Variants in PCSK6 observed in about 807,000 individuals in gnomAD.
PCSK6 encodes proprotein convertase subtilisin/kexin type 6.
In PCSK6, 85 loss-of-function variants were observed where a neutral mutation model predicts 123.3. That is an observed-to-expected ratio of 0.69 (90% CI 0.58 to 0.83). PCSK6 has a LOEUF of 0.83. Among genes scored for constraint, PCSK6 ranks in the 40% least tolerant of loss-of-function variants. The pLI, the probability that PCSK6 is intolerant of heterozygous loss-of-function variation, is 0.00. For missense variants in PCSK6, 1,191 were observed against 1,282.3 expected, an observed-to-expected ratio of 0.93 and a Z score of 1.09; for synonymous variants, 508 against 516.0, an observed-to-expected ratio of 0.98 and a Z score of 0.21.
At chr15:101,359,184 C>T (rs530247385) in intron 13 of PCSK6, among the ~76,000 whole-genome samples, 1 of 152,186 alleles carries the variant, frequency 6.6e-6, no homozygotes, top group East Asian at 1.9e-4. Context: ...TGACTCCAGA[C>T]GCCCTTGCAG....
At chr15:101,354,059 C>T (rs968645620) in intron 13 of PCSK6, among the ~76,000 whole-genome samples, 1 of 152,176 alleles carries the variant, frequency 6.6e-6, no homozygotes, top group Non-Finnish European at 1.5e-5. Context: ...TGCCGAGGTC[C>T]GCAATGACCA....
rs180901483 is a variant in PCSK6 at position 101,406,786 on chromosome 15, T to A, written c.824-8210A>T. 8.0e-4 allele frequency among the ~76,000 whole-genome samples: 121 copies of A among 152,124 alleles called. 1 individual carries two copies. Among genetic ancestry groups the A allele is most frequent in the African/African-American group, 2.8e-3 (115 of 41,494 alleles). On this transcript the variant is annotated intron_variant, in intron 6 of 21. Transcript: ENST00000611716. ...GAAGTGTGTGGGGACGCGCGGGGGA[T>A]CACCAAGCCAAATCTCTTCCTGCTT...
chr15:101,421,528 G>A (rs920036896), intron 6 of PCSK6, among the ~76,000 whole-genome samples: 1 of 152,122 alleles, frequency 6.6e-6, no homozygotes, highest in Non-Finnish European at 1.5e-5. Flanking sequence ...GTTTGGTTTT[G>A]CTTTTTCTCT....
Position 101,362,236 on chromosome 15 carries a change from A to G in PCSK6, c.1858+3960T>C, listed in dbSNP as rs147811676. Among the ~76,000 whole-genome samples, 1,512 of 152,288 alleles carry G rather than the reference A, an allele frequency of 9.9e-3. 5 individuals carry two copies. The highest frequency in any genetic ancestry group is 0.013 in the African/African-American group (528 of 41,554). On this transcript the variant is annotated intron_variant, in intron 13 of 21. Transcript: ENST00000611716. ...CTCCCAAAGTGCTGGAATTACAGGC[A>G]TGAGCCACCATGCCCAGCCCAAAGC...
chr15:101,449,368 T>C (rs1171255087), intron 1 of PCSK6, among the ~76,000 whole-genome samples: 2 of 152,176 alleles, frequency 1.3e-5, no homozygotes, highest in African/African-American at 4.8e-5. Flanking sequence ...TGTGTAGATG[T>C]GGAACCCGTG....
At chr15:101,487,207 C>T (rs765274282) in intron 1 of PCSK6, among the ~76,000 whole-genome samples, 1 of 152,212 alleles carries the variant, frequency 6.6e-6, no homozygotes, top group African/African-American at 2.4e-5. Flanking sequence ...CGTGAGTAAT[C>T]ACACACAAGC....
chr15:101,331,422 ATCCTTGGGAG>A (rs1462481208), intron 15 of PCSK6, among the ~76,000 whole-genome samples: 1 of 152,132 alleles, frequency 6.6e-6, no homozygotes, highest in African/African-American at 2.4e-5. Context: ...ACCTTCCTGG[ATCCTTGGGAG>A]TAACTGTGTC....
intron 7 of PCSK6, among the ~76,000 whole-genome samples, chr15:101,393,911 C>T (rs57102057): frequency 0.18 from 27,677 of 152,204 alleles, 2,681 homozygotes; most frequent in South Asian, 0.3. Flanking sequence ...AAGAGGTACC[C>T]TTCTTGCAGA....
chr15:101,367,268 G>A (rs1289663909), intron 12 of PCSK6, among the ~76,000 whole-genome samples: 2 of 152,088 alleles, frequency 1.3e-5, no homozygotes, highest in Non-Finnish European at 2.9e-5. Flanking sequence ...TTTCTGTACT[G>A]GAATCAATTC....
intron 11 of PCSK6, among the ~76,000 whole-genome samples, chr15:101,380,493 C>T (rs548594420): frequency 6.6e-6 from 1 of 152,208 alleles, no homozygotes; most frequent in Non-Finnish European, 1.5e-5. Flanking sequence ...GACTCTCCCA[C>T]GTTGTTTCAA....
At chr15:101,318,907 G>A (rs1003460747) in intron 18 of PCSK6, among the ~76,000 whole-genome samples, 1 of 152,172 alleles carries the variant, frequency 6.6e-6, no homozygotes, top group Non-Finnish European at 1.5e-5. Flanking sequence ...CTGCAGCTTC[G>A]CAATGAACTT....
chr15:101,362,249 C>A (rs1276839950), intron 13 of PCSK6, among the ~76,000 whole-genome samples: 5 of 152,190 alleles, frequency 3.3e-5, no homozygotes, highest in South Asian at 4.1e-4. Context: ...AGCCACCATG[C>A]CCAGCCCAAA....
At chr15:101,360,553 C>A (rs528195397) in intron 13 of PCSK6, among the ~76,000 whole-genome samples, 3 of 128,396 alleles carry the variant, frequency 2.3e-5, no homozygotes, top group African/African-American at 1.0e-4. Flanking sequence ...GCCTTAGCAT[C>A]CCCTGGAACA....
chr15:101,432,760 A>G (rs1486452458), intron 2 of PCSK6, among the ~76,000 whole-genome samples: 2 of 152,212 alleles, frequency 1.3e-5, no homozygotes, highest in African/African-American at 4.8e-5. Context: ...CCTGAAGAAA[A>G]AGGAAATACA....
chr15:101,318,646 C>T (rs562982757), intron 18 of PCSK6, among the ~76,000 whole-genome samples: 1 of 152,360 alleles, frequency 6.6e-6, no homozygotes, highest in South Asian at 2.1e-4. Flanking sequence ...CATCACCAGG[C>T]AGCAGGCGCC....
rs117988321 is a variant in PCSK6 at position 101,395,007 on chromosome 15, C to T, written c.997-1583G>A. 4.6e-3 allele frequency among the ~76,000 whole-genome samples: 705 copies of T among 152,262 alleles called. 9 individuals carry two copies. The highest frequency in any genetic ancestry group is 0.046 in the East Asian group (237 of 5,172). On this transcript the variant is annotated intron_variant, in intron 7 of 21. Transcript: ENST00000611716. ...CTCAGGAAGGTGGTGTGTGTGTGCA[C>T]GTGATTACCTGCAGGAAGAGATTCA...
At chr15:101,388,918 T>G (rs1048646038) in intron 9 of PCSK6, among the ~76,000 whole-genome samples, 3 of 152,204 alleles carry the variant, frequency 2.0e-5, no homozygotes, top group Admixed American at 6.5e-5. Context: ...GGGAGTGTTA[T>G]AGGCTGAACT....
At chr15:101,468,934 C>A (rs929911701) in intron 1 of PCSK6, among the ~76,000 whole-genome samples, 2 of 152,172 alleles carry the variant, frequency 1.3e-5, no homozygotes, top group Non-Finnish European at 2.9e-5. Flanking sequence ...TCATATTTTA[C>A]AGGTGAATGA....
At chr15:101,392,237 G>A (rs115567310) in intron 8 of PCSK6, among the ~76,000 whole-genome samples, 5,349 of 152,258 alleles carry the variant, frequency 0.035, 120 homozygotes, top group Middle Eastern at 0.085. Context: ...TCAGCTGCCC[G>A]TCCCAGGGGT....
Sources: gnomAD v4.1 joint callset for allele counts (sites outside exome capture counted in the v4.1 genomes callset) on GRCh38, gnomAD v4.1.1 for gene constraint, MANE v1.5 for transcripts, NCBI Gene and HGNC (gene_info 2026-07-23, HGNC 2026-07-21) for gene names.